EIF4G3: variants seen among roughly 807,000 people sequenced by gnomAD.
EIF4G3 encodes the protein eIF-4-gamma 3.
Under a neutral mutation model 186.4 loss-of-function variants are expected in EIF4G3, and 34 were observed. The observed-to-expected ratio is 0.18, with a 90% CI of 0.14 to 0.24. The LOEUF (loss-of-function observed/expected upper bound fraction) is 0.24, where lower values mean the gene tolerates loss of function less well. EIF4G3 is among the 10% of genes least tolerant of loss of function. EIF4G3 has a pLI of 1.00. For synonymous variants in EIF4G3, 673 were observed against 679.5 expected (o/e 0.99, Z 0.15); for missense variants, 1,536 against 1,948.5 (o/e 0.79, Z 3.99).
chr1:21,090,630 AAAG>A (rs1187163054), intron 2 of EIF4G3, among the ~76,000 whole-genome samples: 2 of 152,228 alleles, frequency 1.3e-5, no homozygotes, highest in African/African-American at 2.4e-5. Flanking sequence ...ACAAAGTAGA[AAAG>A]AAGAAGTGAA....
chr1:21,088,223 C>T (rs1216644850), intron 3 of EIF4G3, among the ~76,000 whole-genome samples: 12 of 151,950 alleles, frequency 7.9e-5, no homozygotes, highest in African/African-American at 2.7e-4. Context: ...GTCAGGAGTT[C>T]GAGACCAACC....
chr1:20,991,838 G>A (rs528593670), intron 7 of EIF4G3, among the ~76,000 whole-genome samples: 19 of 152,258 alleles, frequency 1.2e-4, no homozygotes, highest in Admixed American at 1.0e-3. Context: ...TGGGAAAAGG[G>A]GAAAGGCAGG....
intron 35 of EIF4G3, among the ~76,000 whole-genome samples, chr1:20,811,929 T>G (rs965295529): frequency 6.6e-6 from 1 of 152,168 alleles, no homozygotes; most frequent in African/African-American, 2.4e-5. Flanking sequence ...AAGGCTAAAA[T>G]AATTGGAACC....
At chr1:20,819,059 A>C (rs1439119054) in intron 33 of EIF4G3, among the ~76,000 whole-genome samples, 1 of 152,082 alleles carries the variant, frequency 6.6e-6, no homozygotes, top group Non-Finnish European at 1.5e-5. Context: ...GCACCACTGC[A>C]CCCAGCTCCA....
chr1:21,123,912 G>A (rs190471582), intron 2 of EIF4G3, among the ~76,000 whole-genome samples: 1 of 152,264 alleles, frequency 6.6e-6, no homozygotes, highest in Admixed American at 6.5e-5. Context: ...GGTCTATCTA[G>A]GGATCAATTT....
intron 3 of EIF4G3, among the ~76,000 whole-genome samples, chr1:21,057,918 A>G (rs1325077148): frequency 2.0e-5 from 3 of 152,196 alleles, no homozygotes; most frequent in Non-Finnish European, 4.4e-5. Context: ...CTATAAAATT[A>G]ATGATATTTG....
intron 14 of EIF4G3, among the ~76,000 whole-genome samples, chr1:20,940,547 T>C (rs2095675031): frequency 6.6e-6 from 1 of 152,206 alleles, no homozygotes; most frequent in Non-Finnish European, 1.5e-5. Context: ...ATACTGAGGA[T>C]GATGGTGACC....
At chr1:21,025,533 G>A (rs113279644) in intron 4 of EIF4G3, among the ~76,000 whole-genome samples, 166 of 152,244 alleles carry the variant, frequency 1.1e-3, no homozygotes, top group African/African-American at 3.9e-3. Flanking sequence ...GGGGAAGAAA[G>A]CTGCTTCTCC....
chr1:20,949,372 T>C (rs1267614078), intron 13 of EIF4G3, among the ~76,000 whole-genome samples: 1 of 152,210 alleles, frequency 6.6e-6, no homozygotes, highest in Non-Finnish European at 1.5e-5. Flanking sequence ...GTACTATTCC[T>C]TAATACAGCA....
rs552934074 is a variant in EIF4G3, at chr1:20,995,357, T to C, written c.177+2244A>G. ...AATAAGAAAGGCCCAGGCTATTTAGTAACATGGTTCTTTTTGTTTGTTTTT... is the reference window on the plus strand; with the variant it reads ...AATAAGAAAGGCCCAGGCTATTTAGCAACATGGTTCTTTTTGTTTGTTTTT... On this transcript the variant is annotated intron_variant, in intron 7 of 36. Coordinates refer to ENST00000602326, the MANE Select transcript of EIF4G3 (RefSeq NM_001391906.1). 6.1e-4 allele frequency among the ~76,000 whole-genome samples: 93 copies of C among 152,282 alleles called. 1 individual carries two copies. The highest frequency in any genetic ancestry group is 1.9e-4 in the Non-Finnish European group (13 of 68,000).
At chr1:21,004,182 A>C (rs997951978) in intron 4 of EIF4G3, among the ~76,000 whole-genome samples, 4 of 152,236 alleles carry the variant, frequency 2.6e-5, no homozygotes, top group African/African-American at 7.2e-5. Flanking sequence ...CAAAGCTTAC[A>C]TACCTTAATC....
intron 6 of EIF4G3, chr1:20,998,723 CG>C (rs887563910): frequency 4.8e-5 from 11 of 231,450 alleles, no homozygotes; most frequent in Admixed American, 1.5e-4. Flanking sequence ...TAATATTAAC[CG>C]GGGTATGTAG....
chr1:20,922,672 C>T (rs888760495), intron 14 of EIF4G3, among the ~76,000 whole-genome samples: 6 of 152,224 alleles, frequency 3.9e-5, no homozygotes, highest in African/African-American at 1.4e-4. Flanking sequence ...CTGGCTTTTA[C>T]CTTTTGGTCA....
chr1:21,168,411 TA>T (rs113247116), intron 2 of EIF4G3, among the ~76,000 whole-genome samples: 8,707 of 150,222 alleles, frequency 0.058, 817 homozygotes, highest in African/African-American at 0.2. Context: ...CTCAATTTTT[TA>T]AAAAAAAAAA....
chr1:21,166,729 T>C (rs1291602580), intron 2 of EIF4G3, among the ~76,000 whole-genome samples: 2 of 152,018 alleles, frequency 1.3e-5, no homozygotes, highest in Non-Finnish European at 2.9e-5. Context: ...CAAGACTGTC[T>C]CAAAAAAATA....
chr1:21,004,699 T>C (rs1460983803), intron 4 of EIF4G3, among the ~76,000 whole-genome samples: 2 of 152,196 alleles, frequency 1.3e-5, no homozygotes, highest in East Asian at 3.8e-4. Context: ...TTAGCATCTG[T>C]TGACCATTTA....
chr1:21,004,990 G>C (rs566400549), intron 4 of EIF4G3, among the ~76,000 whole-genome samples: 1 of 152,118 alleles, frequency 6.6e-6, no homozygotes, highest in African/African-American at 2.4e-5. Flanking sequence ...TGGCAGCAAA[G>C]TATCTCATGT....
intron 4 of EIF4G3, among the ~76,000 whole-genome samples, chr1:21,021,247 G>A (rs1042421146): frequency 2.6e-5 from 4 of 152,174 alleles, no homozygotes; most frequent in African/African-American, 9.7e-5. Flanking sequence ...GCCCCCCAAA[G>A]TGCTGGGATT....
chr1:20,947,448 AAAAAAAAAACTCT>A (rs1188844024), intron 13 of EIF4G3, among the ~76,000 whole-genome samples: 2 of 152,024 alleles, frequency 1.3e-5, no homozygotes, highest in African/African-American at 4.8e-5. Context: ...ATTTGGTTAA[AAAAAAAAAACTCT>A]GAAAACAGTA....
Sources: gnomAD v4.1 joint callset for allele counts (sites outside exome capture counted in the v4.1 genomes callset) on GRCh38, gnomAD v4.1.1 for gene constraint, MANE v1.5 for transcripts, NCBI Gene and HGNC (gene_info 2026-07-23, HGNC 2026-07-21) for gene names.